Variants in GLIS3 observed in about 807,000 individuals in gnomAD.
GLIS3 encodes GLIS family zinc finger 3, also known as zinc finger protein GLIS3.
A neutral mutation model predicts 78.6 loss-of-function variants in GLIS3; 53 were observed. The ratio of observed to expected loss-of-function variants is 0.67; its 90% confidence interval spans 0.54 to 0.85. The LOEUF (loss-of-function observed/expected upper bound fraction) is 0.85, where lower values mean the gene tolerates loss of function less well. Among genes scored for constraint, GLIS3 ranks in the 40% least tolerant of loss-of-function variants. GLIS3 has a pLI of 0.00. For missense variants in GLIS3, 1,703 were observed against 1,231.1 expected, an observed-to-expected ratio of 1.38 and a Z score of -5.74; for synonymous variants, 684 against 509.9, an observed-to-expected ratio of 1.34 and a Z score of -4.60.
chr9:3,962,959 GAGA>G (rs1160830323), intron 4 of GLIS3, among the ~76,000 whole-genome samples: 1 of 134,280 alleles, frequency 7.4e-6, no homozygotes, highest in African/African-American at 3.1e-5. Context: ...GGGGGGGGGG[GAGA>G]GAGATTTATT....
intron 4 of GLIS3, among the ~76,000 whole-genome samples, chr9:3,938,410 C>G (rs1407467177): frequency 2.6e-5 from 4 of 152,100 alleles, no homozygotes; most frequent in African/African-American, 9.7e-5. Context: ...TTGTATAAAA[C>G]TCTTTGGTTC....
At chr9:4,050,479 G>A (rs1319139275) in intron 4 of GLIS3, among the ~76,000 whole-genome samples, 1 of 152,132 alleles carries the variant, frequency 6.6e-6, no homozygotes, top group Admixed American at 6.5e-5. Flanking sequence ...GATAGCGTTA[G>A]GTGAAATACC....
chr9:3,980,031 TCTC>T (rs964662462), intron 4 of GLIS3, among the ~76,000 whole-genome samples: 35 of 147,676 alleles, frequency 2.4e-4, no homozygotes, highest in African/African-American at 8.6e-4. Flanking sequence ...TCAGAGGAGG[TCTC>T]CCCCAAAAAG....
At chr9:4,129,140 T>C (rs1832779517) in intron 2 of GLIS3, among the ~76,000 whole-genome samples, 2 of 152,330 alleles carry the variant, frequency 1.3e-5, no homozygotes, top group Middle Eastern at 3.4e-3. Context: ...GCCATCTAAG[T>C]GTTTTTCATA....
At chr9:4,369,705 G>C in the GLIS3 span, among the ~76,000 whole-genome samples, 1 of 152,226 alleles carries the variant, frequency 6.6e-6, no homozygotes, top group South Asian at 2.1e-4. Flanking sequence ...TGTGATTATT[G>C]GAAGACTTGG....
intron 6 of GLIS3, among the ~76,000 whole-genome samples, chr9:3,928,788 T>C (rs116340895): frequency 8.0e-4 from 122 of 152,334 alleles, no homozygotes; most frequent in African/African-American, 2.7e-3. Flanking sequence ...CAGTGGATCA[T>C]AGGTCAATGT....
At chr9:4,481,340 C>T in the GLIS3 span, among the ~76,000 whole-genome samples, 17 of 152,064 alleles carry the variant, frequency 1.1e-4, no homozygotes, top group East Asian at 7.8e-4. Flanking sequence ...AAAAATTAGC[C>T]GGGTATGGTG....
chr9:3,906,289 G>A (rs980101071), intron 6 of GLIS3, among the ~76,000 whole-genome samples: 2 of 152,238 alleles, frequency 1.3e-5, no homozygotes, highest in African/African-American at 2.4e-5. Flanking sequence ...AAGAGGACAA[G>A]TGTGTCTGGT....
intron 2 of GLIS3, among the ~76,000 whole-genome samples, chr9:4,200,235 C>T (rs1211436823): frequency 2.0e-5 from 3 of 151,846 alleles, no homozygotes; most frequent in Non-Finnish European, 2.9e-5. Context: ...TAACCTCAAA[C>T]CTAGAGGAAC....
At chr9:4,027,595 T>C (rs1368467539) in intron 4 of GLIS3, among the ~76,000 whole-genome samples, 8 of 152,332 alleles carry the variant, frequency 5.3e-5, no homozygotes, top group East Asian at 1.9e-4. Flanking sequence ...GAACATGCTA[T>C]ATTTTGTTTC....
At chr9:4,378,154 A>G in the GLIS3 span, among the ~76,000 whole-genome samples, 135 of 152,290 alleles carry the variant, frequency 8.9e-4, 1 homozygote, top group East Asian at 0.019. Flanking sequence ...GGGTGTGTAG[A>G]AGCTCAATTA....
chr9:4,357,931 C>T, the GLIS3 span, among the ~76,000 whole-genome samples: 1 of 152,094 alleles, frequency 6.6e-6, no homozygotes, highest in Non-Finnish European at 1.5e-5. Context: ...AAATTTCCAC[C>T]ATTAGAGGGT....
At chr9:4,265,194 T>G (rs1347498439) in intron 2 of GLIS3, among the ~76,000 whole-genome samples, 3 of 139,412 alleles carry the variant, frequency 2.2e-5, no homozygotes, top group African/African-American at 5.3e-5. Flanking sequence ...AAAAAAGAAA[T>G]AACAATCTTT....
intron 4 of GLIS3, among the ~76,000 whole-genome samples, chr9:4,027,456 G>C (rs1292675111): frequency 6.6e-6 from 1 of 152,130 alleles, no homozygotes; most frequent in East Asian, 1.9e-4. Flanking sequence ...TTTTCAAAAT[G>C]CACTGTAAAA....
chr9:4,177,569 C>T (rs1040609690), intron 2 of GLIS3, among the ~76,000 whole-genome samples: 25 of 152,158 alleles, frequency 1.6e-4, no homozygotes, highest in Non-Finnish European at 2.9e-4. Context: ...CACAGAGGAA[C>T]CCTAGAGTTT....
chr9:4,322,696 G>A (rs1019920094), intron 2 of GLIS3, among the ~76,000 whole-genome samples: 45 of 152,190 alleles, frequency 3.0e-4, no homozygotes, highest in African/African-American at 1.1e-3. Flanking sequence ...TCTGTTGGCT[G>A]CATAAAAGTC....
intron 2 of GLIS3, among the ~76,000 whole-genome samples, chr9:4,247,885 T>G (rs560115743): frequency 6.6e-6 from 1 of 152,302 alleles, no homozygotes; most frequent in African/African-American, 2.4e-5. Flanking sequence ...TTCACTTCAT[T>G]GATACTTTTG....
chr9:4,476,654 G>A, the GLIS3 span, among the ~76,000 whole-genome samples: 4 of 151,946 alleles, frequency 2.6e-5, no homozygotes, highest in Admixed American at 1.3e-4. Flanking sequence ...GAGCCACCAT[G>A]CCCGGCCCAG....
At chr9:3,972,060 T>C (rs189332018) in intron 4 of GLIS3, among the ~76,000 whole-genome samples, 23 of 152,296 alleles carry the variant, frequency 1.5e-4, no homozygotes, top group African/African-American at 5.5e-4. Context: ...ACTAGCGTGT[T>C]AGCATTTCGT....
Sources: gnomAD v4.1 joint callset for allele counts (sites outside exome capture counted in the v4.1 genomes callset) on GRCh38, gnomAD v4.1.1 for gene constraint, MANE v1.5 for transcripts, NCBI Gene and HGNC (gene_info 2026-07-23, HGNC 2026-07-21) for gene names.